Variants in SMC2 observed in about 807,000 individuals in gnomAD.
SMC2 encodes the protein structural maintenance of chromosomes protein 2.
SMC2 carries 41 observed loss-of-function variants against 142.6 expected under a neutral mutation model. That is an observed-to-expected ratio of 0.29 (90% CI 0.22 to 0.37). The LOEUF (loss-of-function observed/expected upper bound fraction) is 0.37. SMC2 is among the 10% of genes least tolerant of loss of function. The pLI is 1.00. For synonymous variants in SMC2, 463 were observed against 457.5 expected (o/e 1.01, Z -0.15); for missense variants, 1,265 against 1,373.7 (o/e 0.92, Z 1.25).
chr9:104,129,692 C>G lies in SMC2; in HGVS notation c.2838C>G (p.His946Gln). 6.2e-7 allele frequency: 1 copy of G among 1,613,994 alleles called. No individual in the cohort carries two copies. Reference protein sequence around the residue: ...KDYDWINAERHLFGQPNSAYD... With the variant: ...KDYDWINAERQLFGQPNSAYD... ...ATGACTGGATTAATGCAGAGAGACA[C>G]CTCTTTGGCCAACCCAATAGTGCCT... The change falls in exon 21 of 25, where the codon CAC becomes CAG. Residue 946 changes from histidine to glutamine, a missense_variant. His to Gln is a conservative substitution (Grantham distance 24, BLOSUM62 0). Transcript: ENST00000374793.
At chr9:104,101,916 T>TA (rs781181939) in intron 7 of SMC2, 44 bp from the exon 8 acceptor site, 30 of 1,224,678 alleles carry the variant, frequency 2.4e-5, no homozygotes, top group Non-Finnish European at 3.4e-5. Context: ...ATTTTTTTTT[T>TA]AATACAATTT....
upstream of SMC2, chr9:104,094,145 G>A (rs1830182386): frequency 2.6e-6 from 1 of 378,118 alleles, no homozygotes; most frequent in Non-Finnish European, 4.7e-6. Flanking sequence ...GGCCCCTGCC[G>A]GGGAGTCCCC....
At chr9:104,098,697 C>A in intron 4 of SMC2, 129 bp downstream of exon 4, 1 of 874,544 alleles carries the variant, frequency 1.1e-6, no homozygotes, top group Non-Finnish European at 1.7e-6. Context: ...CTGTGTCCGG[C>A]CATCTGTTTA....
At chr9:104,101,086 TG>T (rs1477485922) in intron 7 of SMC2, among the ~76,000 whole-genome samples, 1 of 152,040 alleles carries the variant, frequency 6.6e-6, no homozygotes, top group Admixed American at 6.6e-5. Flanking sequence ...TACAGGTGCA[TG>T]CCACCACACC....
rs773541291 is a variant in SMC2, at chr9:104,139,135, T to TA, written c.3418-2dup. On this transcript the variant is annotated splice_region_variant and splice_polypyrimidine_tract_variant and intron_variant, in intron 24 of 24. Coordinates refer to ENST00000374793, the MANE Select transcript of SMC2 (RefSeq NM_006444.3). ...TTTTTATACTTTTTTCTTTTTTCCTTAAGTTCATTGTGGTGTCACTAAAAG... is the reference window on the plus strand; with the variant it reads ...TTTTTATACTTTTTTCTTTTTTCCTTAAAGTTCATTGTGGTGTCACTAAAAG... The TA allele has an allele frequency of 5.8e-6, 9 of 1,540,868 alleles. No individual in the cohort carries two copies. The East Asian group carries it at 1.9e-4, about 33-fold the overall frequency.
intron 7 of SMC2, 54 bp from the exon 8 acceptor site, chr9:104,101,906 A>C: frequency 9.2e-7 from 1 of 1,086,652 alleles, no homozygotes; most frequent in Non-Finnish European, 1.3e-6. Flanking sequence ...GCATAATTGA[A>C]TTTTTTTTTT....
chr9:104,106,895 T>G (rs567732101), intron 9 of SMC2, among the ~76,000 whole-genome samples: 15 of 150,558 alleles, frequency 1.0e-4, no homozygotes, highest in Non-Finnish European at 2.2e-4. Flanking sequence ...AGATGACCAC[T>G]TACTGGCATG....
chr9:104,096,729 G>C (rs1457728836), intron 3 of SMC2, among the ~76,000 whole-genome samples: 1 of 152,202 alleles, frequency 6.6e-6, no homozygotes, highest in Admixed American at 6.5e-5. Context: ...AGAGCACCAA[G>C]AGCAAATCTA....
intron 21 of SMC2, 63 bp from the exon 22 acceptor site, chr9:104,131,946 C>T: frequency 2.2e-5 from 19 of 844,840 alleles, no homozygotes; most frequent in Middle Eastern, 3.1e-4. Context: ...TATTTCTGAC[C>T]AAATTCCAGA....
In SMC2 at chr9:104,095,561, T is replaced by TA; in HGVS notation, c.168+12dup. The stretch of plus-strand genomic sequence containing the variant: ...TCTCCAACCTGTCTCAGGTAAAGTG[T>TA]AAACTTTCTGATTTATTTGAATTTA... On this transcript the variant is annotated intron_variant, in intron 2 of 24. Transcript: ENST00000374793. The TA allele has an allele frequency of 1.2e-6, 2 of 1,607,616 alleles. No homozygotes were observed. The highest frequency in any genetic ancestry group is 1.7e-6 in the Non-Finnish European group (2 of 1,175,202).
chr9:104,129,532 G>GT, intron 20 of SMC2, 113 bp from the exon 21 acceptor site: 1 of 870,148 alleles, frequency 1.1e-6, no homozygotes, highest in Non-Finnish European at 1.8e-6. Flanking sequence ...GTCATTGAAG[G>GT]TTTTTTCCTC....
At chr9:104,109,783 C>T (rs1351023508) in intron 9 of SMC2, among the ~76,000 whole-genome samples, 1 of 152,000 alleles carries the variant, frequency 6.6e-6, no homozygotes, top group Non-Finnish European at 1.5e-5. Flanking sequence ...GTCATAAATG[C>T]ACAAAATATA....
At position 104,116,641 on chromosome 9, in the gene SMC2, C is replaced by T. The variant is rs951002148; in HGVS notation, c.1791+322C>T. ...TTCTAGATACGTACCCCAAATTCTT[C>T]AAGTTTTTGTTTTTGTTTCTTTTTA... On this transcript the variant is annotated intron_variant, in intron 14 of 24. Coordinates refer to ENST00000374793, the MANE Select transcript of SMC2 (RefSeq NM_006444.3). 2.0e-5 allele frequency among the ~76,000 whole-genome samples: 3 copies of T among 152,116 alleles called. No homozygotes were observed. In the East Asian group the frequency reaches 5.8e-4, roughly 29 times the overall value.
chr9:104,112,706 C>A (rs767126154), intron 10 of SMC2, among the ~76,000 whole-genome samples: 11 of 152,102 alleles, frequency 7.2e-5, no homozygotes, highest in Non-Finnish European at 8.8e-5. Context: ...ATACCCCCAT[C>A]TAAAACCCCA....
chr9:104,130,017 A>G (rs1320826458), intron 21 of SMC2, among the ~76,000 whole-genome samples, 172 bp downstream of exon 21: 1 of 151,992 alleles, frequency 6.6e-6, no homozygotes, highest in African/African-American at 2.4e-5. Context: ...ACTCTTATGC[A>G]TCATTAGTTG....
At position 104,126,716 on chromosome 9, in the gene SMC2, G is replaced by T. The variant is rs749000276; in HGVS notation, c.2527G>T (p.Val843Leu). 2 of 1,612,964 alleles carry T rather than the reference G, an allele frequency of 1.2e-6. No homozygotes were observed. The highest frequency in any genetic ancestry group is 4.5e-5 in the East Asian group (2 of 44,844). Residue 843 changes from valine to leucine, a missense_variant, in exon 19 of 25, where the codon GTA becomes TTA. By Grantham distance (32) the Val-to-Leu change is conservative. Coordinates refer to ENST00000374793, the MANE Select transcript of SMC2 (RefSeq NM_006444.3). ...HTSYKQQLEA[V>L]NEAIKSYESQ... is the part of the protein sequence containing the mutation. ...ATCTTACAAACAACAGCTTGAAGCT[G>T]TAAATGAAGCTATCAAATCCTATGA...
In SMC2 at chr9:104,133,101, C is replaced by T. The variant is rs1469567130; in HGVS notation, c.3108+976C>T. On this transcript the variant is annotated intron_variant, in intron 22 of 24. Coordinates refer to ENST00000374793, the MANE Select transcript of SMC2 (RefSeq NM_006444.3). ...CAGGCTTACTTGATTGACAAAGTGA[C>T]AAAGCCAGAGTATTCTAGGCTTTTT... 2.0e-5 allele frequency among the ~76,000 whole-genome samples: 3 copies of T among 152,152 alleles called. No homozygotes were observed. The East Asian group carries it at 5.8e-4, about 29-fold the overall frequency.
At position 104,116,462 on chromosome 9, in the gene SMC2, G is replaced by A. The variant is rs1833130693; in HGVS notation, c.1791+143G>A. On this transcript the variant is annotated intron_variant, in intron 14 of 24. Coordinates refer to ENST00000374793, the MANE Select transcript of SMC2 (RefSeq NM_006444.3). The stretch of plus-strand genomic sequence containing the variant: ...AAAATTGGGTTGGCTTGTGCAATTA[G>A]ATGATAAGAGAATAGAGATGTTGGA... 7.7e-6 allele frequency: 5 copies of A among 647,360 alleles called. No individual in the cohort carries two copies. In the East Asian group the frequency reaches 1.3e-4, roughly 16 times the overall value. The allele number at this position is 647,360 out of a possible 1,614,324, so 40.1% of individuals were successfully genotyped here.
rs376791512 is a variant in SMC2 at position 104,098,453 on chromosome 9, T to C, written c.326T>C (p.Ile109Thr). 1.3e-6 allele frequency: 2 copies of C among 1,588,848 alleles called. No homozygotes were observed. Among genetic ancestry groups the C allele is most frequent in the Non-Finnish European group, 1.7e-6 (2 of 1,171,090 alleles). Residue 109 changes from isoleucine (I) to threonine (T), a missense_variant, in exon 4 of 25, where the codon ATT (isoleucine) becomes ACT (threonine). Ile to Thr is a moderately conservative substitution (Grantham distance 89, BLOSUM62 -1). This residue lies in a region of SMC2 where 168 missense variants were observed against 184.8 expected (regional missense o/e 0.91). Transcript: ENST00000374793. Reference sequence around the variant, plus strand: ...AATTGCTTTCTTTTATAGGTGGTTATTGGTGGTAGAAATAAATATTTAATC... The same window carrying C: ...AATTGCTTTCTTTTATAGGTGGTTACTGGTGGTAGAAATAAATATTTAATC... The part of the protein sequence containing the change: ...DEITVTRQVV[I>T]GGRNKYLING...
Sources: gnomAD v4.1 joint callset for allele counts (sites outside exome capture counted in the v4.1 genomes callset) on GRCh38, gnomAD v4.1.1 for gene constraint, gnomAD v4.1.1 regional missense constraint, MANE v1.5 for transcripts, NCBI Gene and HGNC (gene_info 2026-07-23, HGNC 2026-07-21) for gene names.